The following IL1RAPL2 variants were observed in gnomAD, a reference collection of about 807,000 sequenced individuals.
IL1RAPL2 encodes X-linked interleukin-1 receptor accessory protein-like 2.
In IL1RAPL2, 3 loss-of-function variants were observed where a neutral mutation model predicts 44.1. That is an observed-to-expected ratio of 0.07 (90% CI 0.03 to 0.18). IL1RAPL2 has a LOEUF of 0.18. Ranked by LOEUF, IL1RAPL2 falls within the 10% of genes least tolerant of loss-of-function variation. The pLI is 1.00. For missense variants in IL1RAPL2, 391 were observed against 496.4 expected, an observed-to-expected ratio of 0.79 and a Z score of 2.02; for synonymous variants, 181 against 178.8, an observed-to-expected ratio of 1.01 and a Z score of -0.10.
intron 10 of IL1RAPL2, among the ~76,000 whole-genome samples, chrX:105,757,740 G>A (rs1187890674): frequency 9.0e-6 from 1 of 111,406 alleles, no homozygotes; most frequent in East Asian, 2.8e-4. Flanking sequence ...CTTCCTTCCT[G>A]AACGAGGAAA....
At chrX:104,668,345 C>T (rs975619021) in intron 2 of IL1RAPL2, among the ~76,000 whole-genome samples, 5 of 107,422 alleles carry the variant, frequency 4.7e-5, no homozygotes, top group African/African-American at 3.4e-5. Flanking sequence ...TATTATTATA[C>T]TTTAATTTTT....
intron 6 of IL1RAPL2, among the ~76,000 whole-genome samples, chrX:105,580,368 T>G (rs1260645802): frequency 4.7e-5 from 5 of 107,254 alleles, no homozygotes; most frequent in Admixed American, 1.0e-4. Context: ...CCGTGTTTTT[T>G]TTTTTTTTTT....
At chrX:105,613,403 C>A (rs1282148630) in intron 6 of IL1RAPL2, among the ~76,000 whole-genome samples, 1 of 112,244 alleles carries the variant, frequency 8.9e-6, no homozygotes, top group Admixed American at 9.4e-5. Flanking sequence ...ATATTCGCAG[C>A]TGGGGTGGTT....
rs2036957411 is a variant in IL1RAPL2, at chrX:105,564,001, T to C, written c.772+79614T>C. Among the ~76,000 whole-genome samples the C allele has an allele frequency of 3.6e-5, 4 of 111,591 alleles. No homozygotes were observed. The South Asian group carries it at 1.5e-3, about 42-fold the overall frequency. On this transcript the variant is annotated intron_variant, in intron 6 of 10. Coordinates refer to ENST00000372582, the MANE Select transcript of IL1RAPL2 (RefSeq NM_017416.2). ...ATAAACAACAGAAATTTCTTTCTTATAGTTCTAGAGGCTGGGAAGTCCAAG... is the reference window on the plus strand; with the variant it reads ...ATAAACAACAGAAATTTCTTTCTTACAGTTCTAGAGGCTGGGAAGTCCAAG...
At chrX:105,227,827 T>C (rs1249243666) in intron 3 of IL1RAPL2, among the ~76,000 whole-genome samples, 1 of 112,491 alleles carries the variant, frequency 8.9e-6, no homozygotes, top group Admixed American at 9.4e-5. Flanking sequence ...TCTTTTTTAA[T>C]ATTTGCAATT....
intron 2 of IL1RAPL2, among the ~76,000 whole-genome samples, chrX:105,088,127 G>A (rs2032500703): frequency 8.9e-6 from 1 of 111,954 alleles, no homozygotes; most frequent in South Asian, 3.7e-4. Flanking sequence ...AGGATACTAT[G>A]TAAATCATAA....
At chrX:104,830,809 A>G (rs2147628963) in intron 2 of IL1RAPL2, among the ~76,000 whole-genome samples, 1 of 112,293 alleles carries the variant, frequency 8.9e-6, no homozygotes, top group South Asian at 3.6e-4. Flanking sequence ...AGATTCTTTT[A>G]TGTCCTGTTA....
intron 2 of IL1RAPL2, among the ~76,000 whole-genome samples, chrX:105,130,749 C>T (rs1163944896): frequency 9.0e-6 from 1 of 110,938 alleles, no homozygotes; most frequent in African/African-American, 3.3e-5. Flanking sequence ...TTCAGAGTTA[C>T]TACCATTATT....
intron 2 of IL1RAPL2, among the ~76,000 whole-genome samples, chrX:104,691,696 C>G (rs1321540858): frequency 8.9e-6 from 1 of 111,913 alleles, no homozygotes; most frequent in African/African-American, 3.2e-5. Flanking sequence ...TGTACTGAGT[C>G]TCTAGAAAGG....
At chrX:104,743,775 G>A (rs1298951900) in intron 2 of IL1RAPL2, among the ~76,000 whole-genome samples, 5 of 111,316 alleles carry the variant, frequency 4.5e-5, no homozygotes, top group South Asian at 7.6e-4. Flanking sequence ...TCAGTAGAAA[G>A]TGTTAGATAA....
In IL1RAPL2 at chrX:105,486,330, A is replaced by G. The variant is rs186512083; in HGVS notation, c.772+1943A>G. Among the ~76,000 whole-genome samples the G allele has an allele frequency of 8.9e-5, 10 of 112,338 alleles. No individual in the cohort carries two copies. In the East Asian group the frequency reaches 2.8e-3, roughly 31 times the overall value. ...GAAATATAGCAAATAGTAGTTTTTA[A>G]ATAAGCCTAGCAATGTGAGTACCAA... On this transcript the variant is annotated intron_variant, in intron 6 of 10. Transcript: ENST00000372582.
chrX:105,722,670 T>C (rs2038315679), intron 7 of IL1RAPL2, among the ~76,000 whole-genome samples: 1 of 112,008 alleles, frequency 8.9e-6, no homozygotes, highest in South Asian at 3.7e-4. Flanking sequence ...AAAATTTATT[T>C]CTGGATGCAT....
intron 2 of IL1RAPL2, among the ~76,000 whole-genome samples, chrX:105,170,165 A>T (rs886500178): frequency 4.5e-5 from 5 of 111,319 alleles, no homozygotes; most frequent in African/African-American, 1.6e-4. Flanking sequence ...AGTCTTTGGA[A>T]TCATTTGTAT....
intron 5 of IL1RAPL2, among the ~76,000 whole-genome samples, chrX:105,450,998 C>G (rs148526765): frequency 0.014 from 1,529 of 108,225 alleles, 34 homozygotes; most frequent in African/African-American, 0.049. Flanking sequence ...GTTTTTTCCC[C>G]CAGTGAGATG....
At chrX:105,064,746 C>G (rs1355347370) in intron 2 of IL1RAPL2, among the ~76,000 whole-genome samples, 6 of 111,689 alleles carry the variant, frequency 5.4e-5, no homozygotes, top group Admixed American at 9.5e-5. Context: ...CGTCTTCATC[C>G]TTGTCTTCAT....
At chrX:105,731,882 G>A (rs1602544812) in intron 7 of IL1RAPL2, among the ~76,000 whole-genome samples, 1 of 111,022 alleles carries the variant, frequency 9.0e-6, no homozygotes, top group East Asian at 2.9e-4. Flanking sequence ...ATGTTCAGTA[G>A]TAGAGAAGGG....
chrX:105,005,742 A>G (rs2030931058), intron 2 of IL1RAPL2, among the ~76,000 whole-genome samples: 1 of 110,831 alleles, frequency 9.0e-6, no homozygotes, highest in Admixed American at 9.6e-5. Flanking sequence ...ATATCTAGTC[A>G]TTTCTACTTC....
intron 2 of IL1RAPL2, among the ~76,000 whole-genome samples, chrX:104,832,261 C>T (rs998570615): frequency 8.1e-5 from 9 of 111,370 alleles, no homozygotes; most frequent in African/African-American, 2.9e-4. Flanking sequence ...TTTGTTTTTG[C>T]TTTATTTTTA....
rs776225335 is a variant in IL1RAPL2 at position 104,784,847 on chromosome X, C to T, written c.82+125852C>T. On this transcript the variant is annotated intron_variant, in intron 2 of 10. Transcript: ENST00000372582. ...CCTGAAGACCCCCAGAAGGGCTAAG[C>T]GGTAACCAGAGCAGAGGCAGGAGAA... Among the ~76,000 whole-genome samples, 13 of 109,305 alleles carry T rather than the reference C, an allele frequency of 1.2e-4. No individual in the cohort carries two copies. The South Asian group carries it at 4.9e-3, about 41-fold the overall frequency. The allele number at this position is 109,305 out of a possible 115,157, so 94.9% of individuals were successfully genotyped here.
Sources: gnomAD v4.1 joint callset for allele counts (sites outside exome capture counted in the v4.1 genomes callset) on GRCh38, gnomAD v4.1.1 for gene constraint, MANE v1.5 for transcripts, NCBI Gene and HGNC (gene_info 2026-07-23, HGNC 2026-07-21) for gene names.